AP2A1: variants seen among roughly 807,000 people sequenced by gnomAD.
AP2A1 encodes AP-2 complex subunit alpha-1.
In AP2A1, 21 loss-of-function variants were observed where a neutral mutation model predicts 107.3. That is an observed-to-expected ratio of 0.20 (90% CI 0.14 to 0.28). AP2A1 has a LOEUF of 0.28. Among genes scored for constraint, AP2A1 ranks in the 10% least tolerant of loss-of-function variants. The pLI, the probability that AP2A1 is intolerant of heterozygous loss-of-function variation, is 1.00. For synonymous variants in AP2A1, 602 were observed against 564.8 expected, an observed-to-expected ratio of 1.07 and a Z score of -0.93; for missense variants, 873 against 1,307.7, an observed-to-expected ratio of 0.67 and a Z score of 5.13.
At position 49,802,160 on chromosome 19, in the gene AP2A1, G is replaced by A. The variant is rs1303790570; in HGVS notation, c.2114+19G>A. On this transcript the variant is annotated intron_variant, in intron 15 of 22. Coordinates refer to ENST00000354293, the MANE Select transcript of AP2A1 (RefSeq NM_130787.3). ...TCCTCAGGTAGCACCCCCTGGGCCC[G>A]GGCCCCTTCTCGCGGCCACCCCCAG... The A allele has an allele frequency of 3.9e-6, 6 of 1,538,234 alleles. No individual in the cohort carries two copies. The highest frequency in any genetic ancestry group is 1.2e-5 in the South Asian group (1 of 84,644).
chr19:49,779,443 T>C (rs1344192595), intron 1 of AP2A1, among the ~76,000 whole-genome samples: 1 of 136,238 alleles, frequency 7.3e-6, no homozygotes, highest in Non-Finnish European at 1.5e-5. Flanking sequence ...GAGGCAGAGG[T>C]TGCAGTGAGC....
In AP2A1 at chr19:49,785,414, G is replaced by A. The variant is rs2084725065; in HGVS notation, c.473+2690G>A. On this transcript the variant is annotated intron_variant, in intron 4 of 22. Coordinates refer to ENST00000354293, the MANE Select transcript of AP2A1 (RefSeq NM_130787.3). The surrounding 1 kb of genome is among the most constrained non-coding windows in gnomAD (Gnocchi z 4.1). ...TGAGGTGGGGACATTGAACAGGTGA[G>A]TGAATGATGGCAGACCTTTCAGCAA... 6.6e-6 allele frequency among the ~76,000 whole-genome samples: 1 copy of A among 152,144 alleles called. No individual in the cohort carries two copies. The highest frequency in any genetic ancestry group is 1.5e-5 in the Non-Finnish European group (1 of 68,034).
intron 4 of AP2A1, among the ~76,000 whole-genome samples, chr19:49,783,749 G>A (rs947412217): frequency 4.6e-5 from 7 of 152,310 alleles, no homozygotes; most frequent in African/African-American, 1.7e-4. Flanking sequence ...GCAGCCTCTG[G>A]GAACAGAAGA....
intron 1 of AP2A1, among the ~76,000 whole-genome samples, chr19:49,773,968 C>T (rs2084591346): frequency 6.6e-6 from 1 of 152,092 alleles, no homozygotes; most frequent in Non-Finnish European, 1.5e-5. Flanking sequence ...ATGGTGCAGG[C>T]CCTTGTGGGC....
chr19:49,782,402 G>T, intron 3 of AP2A1, 129 bp from the exon 4 acceptor site: 1 of 1,053,438 alleles, frequency 9.5e-7, no homozygotes, highest in South Asian at 1.6e-5. Flanking sequence ...TCTGAGGGAG[G>T]AGGGGCCTGG....
chr19:49,772,051 A>G (rs1399674017), intron 1 of AP2A1, among the ~76,000 whole-genome samples: 2 of 151,962 alleles, frequency 1.3e-5, no homozygotes, highest in Non-Finnish European at 2.9e-5. Flanking sequence ...GCAACATAGC[A>G]AGACCCTGTC....
In AP2A1 at chr19:49,805,468, C is replaced by T. The variant is rs377162295; in HGVS notation, c.2360C>T (p.Thr787Ile). 1.2e-5 allele frequency: 19 copies of T among 1,548,372 alleles called. No homozygotes were observed. The highest frequency in any genetic ancestry group is 1.7e-5 in the Non-Finnish European group (19 of 1,145,578). Residue 787 changes from threonine to isoleucine, a missense_variant, in exon 19 of 23, where the codon ACC becomes ATC. By Grantham distance (89) the Thr-to-Ile change is moderately conservative. Around this residue, in one of 4 missense-constraint regions of AP2A1, gnomAD observed 416 missense variants for 473.4 expected, o/e 0.88. Coordinates refer to ENST00000354293, the MANE Select transcript of AP2A1 (RefSeq NM_130787.3). ...GDLQTQLAVQTKRVAAQVDGG... is the reference protein window; with the variant it reads ...GDLQTQLAVQIKRVAAQVDGG... ...TGGCGGGCACAGCTGGCTGTGCAGA[C>T]CAAGCGCGTGGCGGCGCAGGTGGAC... is the stretch of plus-strand genomic sequence containing the variant.
intron 12 of AP2A1, 149 bp downstream of exon 12, chr19:49,801,207 CT>C: frequency 9.8e-7 from 1 of 1,016,306 alleles, no homozygotes; most frequent in Non-Finnish European, 1.4e-6. Flanking sequence ...AAGAAAGGAG[CT>C]TAGTCCCAGG....
chr19:49,794,530 C>G (rs1194467141), intron 6 of AP2A1, among the ~76,000 whole-genome samples: 1 of 151,826 alleles, frequency 6.6e-6, no homozygotes, highest in Admixed American at 6.6e-5. Context: ...ATTCATCACA[C>G]ATCTGAGTAC....
chr19:49,777,919 C>A (rs1305496192), intron 1 of AP2A1, among the ~76,000 whole-genome samples: 1 of 151,576 alleles, frequency 6.6e-6, no homozygotes, highest in Non-Finnish European at 1.5e-5. Flanking sequence ...AAGAGTGAGA[C>A]CCCGTCTCAA....
intron 2 of AP2A1, 59 bp from the exon 3 acceptor site, chr19:49,781,888 G>A: frequency 6.2e-7 from 1 of 1,604,350 alleles, no homozygotes. Flanking sequence ...GGGCTCCTGT[G>A]ACCTATCCTG....
At chr19:49,800,308 G>A (rs2073261950) in intron 11 of AP2A1, among the ~76,000 whole-genome samples, 158 bp downstream of exon 11, 2 of 152,224 alleles carry the variant, frequency 1.3e-5, no homozygotes, top group African/African-American at 4.8e-5. Flanking sequence ...GGCCAACCCA[G>A]GGGACCCAGG....
chr19:49,795,592 C>CCTTTTTTTTTCCTTTT, intron 6 of AP2A1, 38 bp from the exon 7 acceptor site: 1 of 854,026 alleles, frequency 1.2e-6, no homozygotes, highest in African/African-American at 1.7e-5. Context: ...GCCCCTCCCA[C>CCTTTTTTTTTCCTTTT]CCCAGCCCCC....
chr19:49,799,192 G>A, intron 8 of AP2A1, 135 bp from the exon 9 acceptor site: 2 of 1,202,690 alleles, frequency 1.7e-6, no homozygotes, highest in African/African-American at 1.5e-5. Context: ...TGGAGGTGCA[G>A]TACTGCGATG....
chr19:49,795,602 C>CCCCACCA, intron 6 of AP2A1, 28 bp from the exon 7 acceptor site: 1 of 1,236,850 alleles, frequency 8.1e-7, no homozygotes, highest in Non-Finnish European at 1.2e-6. Flanking sequence ...CCCCAGCCCC[C>CCCCACCA]AACTTATTTC....
intron 1 of AP2A1, among the ~76,000 whole-genome samples, chr19:49,777,064 A>G (rs866672818): frequency 6.7e-6 from 1 of 149,006 alleles, no homozygotes; most frequent in Non-Finnish European, 1.5e-5. Flanking sequence ...CCCTGTCTCT[A>G]CTAAAAATGC....
intron 1 of AP2A1, among the ~76,000 whole-genome samples, chr19:49,779,853 T>A (rs2084655916): frequency 6.6e-6 from 1 of 152,234 alleles, no homozygotes; most frequent in Admixed American, 6.5e-5. Flanking sequence ...GGCTGGCAAC[T>A]GCTATATTGG....
At chr19:49,794,221 GT>G (rs35239509) in intron 6 of AP2A1, among the ~76,000 whole-genome samples, 122 of 131,698 alleles carry the variant, frequency 9.3e-4, no homozygotes, top group Non-Finnish European at 1.2e-3. Flanking sequence ...TCTTTCTCAG[GT>G]TTTTTTTTTT....
At chr19:49,774,049 T>A (rs1313281072) in intron 1 of AP2A1, among the ~76,000 whole-genome samples, 1 of 152,044 alleles carries the variant, frequency 6.6e-6, no homozygotes, top group African/African-American at 2.4e-5. Context: ...AGTGCTGGGG[T>A]CTGACTCAAG....
Sources: gnomAD v4.1 joint callset for allele counts (sites outside exome capture counted in the v4.1 genomes callset) on GRCh38, gnomAD v4.1.1 for gene constraint, gnomAD v4.1.1 regional missense constraint, Gnocchi (gnomAD v3.1) non-coding constraint, MANE v1.5 for transcripts, NCBI Gene and HGNC (gene_info 2026-07-23, HGNC 2026-07-21) for gene names.